DPP6: variants seen among roughly 807,000 people sequenced by gnomAD.
DPP6 encodes A-type potassium channel modulatory protein DPP6.
DPP6 carries 69 observed loss-of-function variants against 122.6 expected under a neutral mutation model. The observed-to-expected ratio is 0.56, with a 90% confidence interval of 0.46 to 0.69. The LOEUF (loss-of-function observed/expected upper bound fraction) is 0.69. Ranked by LOEUF, DPP6 falls within the 30% of genes least tolerant of loss-of-function variation. DPP6 has a pLI of 0.00. For missense variants in DPP6, 928 were observed against 1,116.9 expected (o/e 0.83, Z 2.41); for synonymous variants, 418 against 433.1 (o/e 0.97, Z 0.43).
chr7:154,843,318 A>G (rs866618292), intron 16 of DPP6, among the ~76,000 whole-genome samples: 1 of 152,190 alleles, frequency 6.6e-6, no homozygotes, highest in Non-Finnish European at 1.5e-5. Flanking sequence ...ATAAATATAT[A>G]AATAACAGCA....
the DPP6 span, among the ~76,000 whole-genome samples, chr7:153,774,890 C>G: frequency 6.6e-6 from 1 of 152,014 alleles, no homozygotes; most frequent in East Asian, 1.9e-4. Flanking sequence ...ATCTCTTGAG[C>G]CCAGGAGTTC....
the DPP6 span, among the ~76,000 whole-genome samples, chr7:153,846,312 T>C: frequency 6.6e-6 from 1 of 152,212 alleles, no homozygotes; most frequent in Non-Finnish European, 1.5e-5. Context: ...CCTTATTGGT[T>C]GATTTATCTT....
At chr7:154,546,216 G>A (rs1829175820) in intron 4 of DPP6, among the ~76,000 whole-genome samples, 1 of 152,040 alleles carries the variant, frequency 6.6e-6, no homozygotes, top group Admixed American at 6.6e-5. Context: ...CAATATACTA[G>A]GCTAACAACT....
At chr7:153,872,805 T>C in the DPP6 span, among the ~76,000 whole-genome samples, 65 of 152,318 alleles carry the variant, frequency 4.3e-4, no homozygotes, top group African/African-American at 1.4e-3. Flanking sequence ...CTGTACTGTC[T>C]CTCTATTTGT....
chr7:154,725,576 C>T (rs1842025871), intron 7 of DPP6, among the ~76,000 whole-genome samples: 2 of 152,156 alleles, frequency 1.3e-5, no homozygotes, highest in South Asian at 2.1e-4. Context: ...ATCCATTCAC[C>T]TCCCACCAGG....
intron 2 of DPP6, among the ~76,000 whole-genome samples, chr7:154,449,483 A>G (rs906908339): frequency 6.6e-6 from 1 of 152,182 alleles, no homozygotes; most frequent in South Asian, 2.1e-4. Flanking sequence ...TTACATTACT[A>G]GTAGAAAGAT....
chr7:154,874,676 G>A (rs1442580363), intron 19 of DPP6, among the ~76,000 whole-genome samples: 1 of 152,354 alleles, frequency 6.6e-6, no homozygotes, highest in East Asian at 1.9e-4. Context: ...ACAGCTGGGA[G>A]AGTGCCCGTG....
chr7:154,431,454 TTCTTTTC>T (rs1296366555), intron 1 of DPP6, among the ~76,000 whole-genome samples: 1 of 15,210 alleles, frequency 6.6e-5, no homozygotes. Context: ...TTCTTTTCTT[TTCTTTTC>T]TTTTCTTTTC....
At chr7:153,861,406 C>A in the DPP6 span, among the ~76,000 whole-genome samples, 1 of 152,082 alleles carries the variant, frequency 6.6e-6, no homozygotes, top group African/African-American at 2.4e-5. Context: ...TTCAGACATA[C>A]CATTATTTTC....
chr7:154,361,859 G>A (rs562640972), intron 1 of DPP6, among the ~76,000 whole-genome samples: 32 of 152,216 alleles, frequency 2.1e-4, no homozygotes, highest in Non-Finnish European at 3.4e-4. Context: ...GAAGTAGTAG[G>A]TAACTTGCCC....
At chr7:154,288,921 T>G (rs1350523602) in intron 1 of DPP6, among the ~76,000 whole-genome samples, 1 of 152,228 alleles carries the variant, frequency 6.6e-6, no homozygotes, top group Non-Finnish European at 1.5e-5. Context: ...AATGGTTTAT[T>G]TTTAAAATGC....
At chr7:154,227,720 C>T (rs963805900) in intron 1 of DPP6, among the ~76,000 whole-genome samples, 11 of 152,114 alleles carry the variant, frequency 7.2e-5, no homozygotes, top group Non-Finnish European at 7.4e-5. Context: ...TTCACAAGGA[C>T]AGGTTCAGGG....
chr7:153,850,941 A>G, the DPP6 span, among the ~76,000 whole-genome samples: 1 of 152,152 alleles, frequency 6.6e-6, no homozygotes, highest in Non-Finnish European at 1.5e-5. Flanking sequence ...GGAGGTAAGA[A>G]TCCTGGGGCT....
At chr7:154,045,126 C>T (rs1799954947) in intron 1 of DPP6, among the ~76,000 whole-genome samples, 1 of 151,080 alleles carries the variant, frequency 6.6e-6, no homozygotes, top group African/African-American at 2.4e-5. Flanking sequence ...AAGGGCGAAA[C>T]AGCATCTGAA....
chr7:154,645,128 T>C (rs1259552516), intron 6 of DPP6, among the ~76,000 whole-genome samples: 3 of 150,266 alleles, frequency 2.0e-5, no homozygotes, highest in African/African-American at 7.4e-5. Flanking sequence ...AGTGGTGTGA[T>C]CTCTGCTCAC....
At chr7:154,423,798 T>G (rs1369364837) in intron 1 of DPP6, among the ~76,000 whole-genome samples, 1 of 152,220 alleles carries the variant, frequency 6.6e-6, no homozygotes, top group Non-Finnish European at 1.5e-5. Context: ...CTAAATGAGT[T>G]GAGTTTTGCA....
At chr7:153,843,989 A>G in the DPP6 span, among the ~76,000 whole-genome samples, 1 of 151,320 alleles carries the variant, frequency 6.6e-6, no homozygotes, top group African/African-American at 2.4e-5. Flanking sequence ...GGTGCCCCCC[A>G]TGCATCCGTT....
intron 1 of DPP6, among the ~76,000 whole-genome samples, chr7:154,359,347 G>A (rs1360704820): frequency 2.0e-5 from 3 of 152,134 alleles, no homozygotes; most frequent in Non-Finnish European, 2.9e-5. Flanking sequence ...CCCCTGCCCC[G>A]GAGGAGATCA....
chr7:153,886,908 C>T (rs531633869), upstream of DPP6, among the ~76,000 whole-genome samples: 156 of 152,248 alleles, frequency 1.0e-3, no homozygotes, highest in African/African-American at 3.5e-3. Context: ...CGGACGGCGG[C>T]TCCATCCGCG....
Sources: allele counts gnomAD v4.1 joint callset (sites outside exome capture counted in the v4.1 genomes callset), GRCh38; gene constraint gnomAD v4.1.1; transcripts MANE v1.5; gene names NCBI Gene and HGNC (gene_info 2026-07-23, HGNC 2026-07-21).